The following MOB1A variants were observed in gnomAD, a reference collection of about 807,000 sequenced individuals.
MOB1A encodes the protein MOB1 Mps One Binder homolog A.
MOB1A carries 10 observed loss-of-function variants against 25.1 expected under a neutral mutation model. That is an observed-to-expected ratio of 0.40 (90% confidence interval 0.25 to 0.68). The LOEUF (loss-of-function observed/expected upper bound fraction) is 0.68. Ranked by LOEUF, MOB1A falls within the 30% of genes least tolerant of loss-of-function variation. MOB1A has a pLI of 0.40. For synonymous variants in MOB1A, 81 were observed against 79.5 expected (o/e 1.02, Z -0.10); for missense variants, 177 against 256.3 (o/e 0.69, Z 2.11).
At chr2:74,162,798 T>A (rs1216775469) in intron 4 of MOB1A, among the ~76,000 whole-genome samples, 1 of 152,134 alleles carries the variant, frequency 6.6e-6, no homozygotes, top group Non-Finnish European at 1.5e-5. Context: ...CATAAAATAC[T>A]CTTAAGTTGA....
intron 1 of MOB1A, 23 bp downstream of exon 1, chr2:74,178,638 G>A (rs764902376): frequency 2.2e-6 from 3 of 1,381,790 alleles, no homozygotes; most frequent in South Asian, 3.4e-5. Context: ...CAGGCCCGGC[G>A]CCCGCGGCCC....
Position 74,154,465 on chromosome 2 carries a change from C to T in MOB1A, c.*2103G>A, listed in dbSNP as rs1227918641. Reference sequence around the variant, plus strand: ...TACCAACACATCTCTGATTTATGTCCCATTTATAAGCTGCCTTTACTACTG... The same window carrying T: ...TACCAACACATCTCTGATTTATGTCTCATTTATAAGCTGCCTTTACTACTG... On this transcript the variant is annotated 3_prime_UTR_variant, in exon 6 of 6. Coordinates refer to ENST00000396049, the MANE Select transcript of MOB1A (RefSeq NM_018221.5). 4 of 152,194 alleles carry T rather than the reference C, an allele frequency of 2.6e-5. No individual in the cohort carries two copies. The highest frequency in any genetic ancestry group is 2.1e-4 in the South Asian group (1 of 4,822). The allele number at this position is 152,194 out of a possible 1,614,324, so 9.4% of individuals were successfully genotyped here. A position where few individuals can be genotyped will look rare whatever the true frequency, so the allele number is the denominator to read the frequency against.
At chr2:74,176,947 T>G (rs958053610) in intron 1 of MOB1A, among the ~76,000 whole-genome samples, 2 of 152,030 alleles carry the variant, frequency 1.3e-5, no homozygotes, top group Non-Finnish European at 2.9e-5. Context: ...CCAAGAGATA[T>G]GAACACATAC....
rs947147776 is a variant in MOB1A at position 74,178,746 on chromosome 2, G to GA, written c.-73dup. The GA allele has an allele frequency of 1.1e-5, 9 of 840,512 alleles. No homozygotes were observed. The highest frequency in any genetic ancestry group is 6.5e-6 in the Non-Finnish European group (4 of 618,270). 52.1% of individuals were successfully genotyped at this position (840,512 alleles called of 1,614,324 possible). On this transcript the variant is annotated 5_prime_UTR_variant, in exon 1 of 6. Transcript: ENST00000396049. ...ATCAGGATTCGGAGCTGGCTAGAGG[G>GA]AGCGGACCGTCCTTAGCTCACGGGC... is the stretch of plus-strand genomic sequence containing the variant.
chr2:74,160,354 G>A (rs1692932843), intron 4 of MOB1A, among the ~76,000 whole-genome samples: 1 of 151,990 alleles, frequency 6.6e-6, no homozygotes, highest in African/African-American at 2.4e-5. Flanking sequence ...ACATACATAC[G>A]CACTCTCTCA....
chr2:74,170,419 G>A (rs998912848), intron 2 of MOB1A, among the ~76,000 whole-genome samples: 1 of 152,120 alleles, frequency 6.6e-6, no homozygotes, highest in African/African-American at 2.4e-5. Context: ...TTACAGGCGT[G>A]AGCCACCATG....
chr2:74,175,972 GC>G (rs1291167316), intron 1 of MOB1A, among the ~76,000 whole-genome samples: 26 of 152,080 alleles, frequency 1.7e-4, no homozygotes, highest in Admixed American at 7.2e-4. Context: ...AGAGCCGGGT[GC>G]AGTGGCTCAC....
chr2:74,173,379 T>TG (rs1693352535), intron 1 of MOB1A, among the ~76,000 whole-genome samples: 1 of 98,736 alleles, frequency 1.0e-5, no homozygotes, highest in East Asian at 5.4e-4. Context: ...AATTTCGGTT[T>TG]TTTTTTTTTT....
intron 5 of MOB1A, 84 bp downstream of exon 5, chr2:74,159,007 C>T (rs1053388257): frequency 1.4e-6 from 2 of 1,385,886 alleles, no homozygotes; most frequent in Admixed American, 2.1e-5. Context: ...ACATCTATAA[C>T]TAAGACACAC....
intron 2 of MOB1A, among the ~76,000 whole-genome samples, chr2:74,172,369 A>T (rs1450073237): frequency 6.6e-6 from 1 of 152,196 alleles, no homozygotes; most frequent in Non-Finnish European, 1.5e-5. Context: ...GCCCAAAAGC[A>T]CTCATCATTT....
intron 1 of MOB1A, among the ~76,000 whole-genome samples, chr2:74,173,900 G>T (rs1271901403): frequency 2.2e-5 from 3 of 136,336 alleles, no homozygotes; most frequent in Admixed American, 8.3e-5. Flanking sequence ...AGTGAGTCGA[G>T]ATCGCACCAC....
intron 4 of MOB1A, 150 bp downstream of exon 4, chr2:74,165,068 C>G (rs914345446): frequency 6.4e-6 from 3 of 471,768 alleles, no homozygotes; most frequent in African/African-American, 6.0e-5. Flanking sequence ...ACCTGTAATC[C>G]CAGCACTGTG....
intron 1 of MOB1A, among the ~76,000 whole-genome samples, chr2:74,177,568 C>T (rs1430980606): frequency 6.6e-6 from 1 of 151,570 alleles, no homozygotes; most frequent in African/African-American, 2.4e-5. Context: ...GAAAATGAGA[C>T]GCAGATAAAC....
At chr2:74,168,246 G>A (rs1693186873) in intron 2 of MOB1A, among the ~76,000 whole-genome samples, 1 of 152,212 alleles carries the variant, frequency 6.6e-6, no homozygotes, top group South Asian at 2.1e-4. Context: ...TAGTCAGGGG[G>A]TACTTCCTGA....
intron 2 of MOB1A, 122 bp from the exon 3 acceptor site, chr2:74,167,229 T>C (rs1693155529): frequency 1.5e-6 from 1 of 678,308 alleles, no homozygotes; most frequent in Non-Finnish European, 2.6e-6. Flanking sequence ...CATTCAATAA[T>C]CCAATGATAC....
chr2:74,166,874 C>A, intron 3 of MOB1A, 140 bp downstream of exon 3: 1 of 594,724 alleles, frequency 1.7e-6, no homozygotes, highest in Non-Finnish European at 3.0e-6. Flanking sequence ...TAACTAAAAG[C>A]TTACAGGTGA....
chr2:74,167,196 G>C lies in MOB1A; in HGVS notation c.182-89C>G, dbSNP rs74258873. ...GAAGGAAAAACAGACAATACATTTA[G>C]GTTCTTAGCTGAACCCTTGAGACAT... On this transcript the variant is annotated intron_variant, in intron 2 of 5. Coordinates refer to ENST00000396049, the MANE Select transcript of MOB1A (RefSeq NM_018221.5). 332 of 931,122 alleles carry C rather than the reference G, an allele frequency of 3.6e-4. 3 individuals are homozygous for C. In the East Asian group the frequency reaches 7.2e-3, roughly 20 times the overall value. The allele number at this position is 931,122 out of a possible 1,614,324, so 57.7% of individuals were successfully genotyped here.
In MOB1A at chr2:74,169,690, G is replaced by A. The variant is rs1693229298; in HGVS notation, c.182-2583C>T. Among the ~76,000 whole-genome samples, 5 of 151,114 alleles carry A rather than the reference G, an allele frequency of 3.3e-5. No homozygotes were observed. The South Asian group carries it at 1.1e-3, about 32-fold the overall frequency. On this transcript the variant is annotated intron_variant, in intron 2 of 5. Coordinates refer to ENST00000396049, the MANE Select transcript of MOB1A (RefSeq NM_018221.5). ...GTTGCCCAGGCTGGAGTGCAGTGGT[G>A]CGATCTTGGCTCACTGCAACCCCCG...
Position 74,175,608 on chromosome 2 carries a change from A to G in MOB1A, c.15-2856T>C, listed in dbSNP as rs530144139. 1.4e-4 allele frequency among the ~76,000 whole-genome samples: 21 copies of G among 152,352 alleles called. No individual in the cohort carries two copies. The South Asian group carries it at 3.1e-3, about 23-fold the overall frequency. ...CTAAATATCTCCTCTAGATATGGAT[A>G]AGAATTTTTTTCCAAGATTGTTTTT... is the stretch of plus-strand genomic sequence containing the variant. On this transcript the variant is annotated intron_variant, in intron 1 of 5. Coordinates refer to ENST00000396049, the MANE Select transcript of MOB1A (RefSeq NM_018221.5).
Sources: gnomAD v4.1 joint callset for allele counts (sites outside exome capture counted in the v4.1 genomes callset) on GRCh38, gnomAD v4.1.1 for gene constraint, MANE v1.5 for transcripts, NCBI Gene and HGNC (gene_info 2026-07-23, HGNC 2026-07-21) for gene names.